FAM117B: variants seen among roughly 807,000 people sequenced by gnomAD.
FAM117B encodes protein FAM117B.
Under a neutral mutation model 52.8 loss-of-function variants are expected in FAM117B, and 22 were observed. That is an observed-to-expected ratio of 0.42 (90% CI 0.30 to 0.59). The LOEUF is 0.59. Ranked by LOEUF, FAM117B falls within the 20% of genes least tolerant of loss-of-function variation. The probability of loss-of-function intolerance (pLI) is 0.22; values close to 1 mark genes in which losing one functional copy is unlikely to be tolerated. For synonymous variants in FAM117B, 309 were observed against 324.1 expected, an observed-to-expected ratio of 0.95 and a Z score of 0.50; for missense variants, 678 against 802.6, an observed-to-expected ratio of 0.84 and a Z score of 1.88.
At chr2:202,739,715 C>T (rs1442900955) in intron 4 of FAM117B, among the ~76,000 whole-genome samples, 2 of 152,152 alleles carry the variant, frequency 1.3e-5, no homozygotes. Context: ...CGGACTCAGC[C>T]TCCCAAAGTC....
At chr2:202,702,720 A>ATTTTTTT (rs1171888900) in intron 2 of FAM117B, among the ~76,000 whole-genome samples, 1 of 151,868 alleles carries the variant, frequency 6.6e-6, no homozygotes, top group African/African-American at 2.4e-5. Context: ...CACCCAGCTA[A>ATTTTTTT]TTTTTTGTAT....
intron 2 of FAM117B, among the ~76,000 whole-genome samples, chr2:202,703,681 T>C (rs558169488): frequency 6.6e-6 from 1 of 152,200 alleles, no homozygotes; most frequent in African/African-American, 2.4e-5. Flanking sequence ...GTGAATAATA[T>C]TCCATTTATC....
intron 1 of FAM117B, among the ~76,000 whole-genome samples, chr2:202,640,295 AATATAT>A (rs539187347): frequency 0.014 from 723 of 51,240 alleles, 11 homozygotes; most frequent in Non-Finnish European, 0.017. Flanking sequence ...ACCACCACAA[AATATAT>A]ATATATATAT....
At chr2:202,741,884 A>G (rs905219070) in intron 4 of FAM117B, among the ~76,000 whole-genome samples, 20 of 152,332 alleles carry the variant, frequency 1.3e-4, no homozygotes, top group Admixed American at 6.5e-4. Context: ...GCTAAAATCA[A>G]TACCATTTAT....
intron 2 of FAM117B, among the ~76,000 whole-genome samples, chr2:202,703,008 C>A (rs969142984): frequency 6.6e-6 from 1 of 152,116 alleles, no homozygotes; most frequent in Non-Finnish European, 1.5e-5. Context: ...TTGTGTTACT[C>A]CCTTTATTGC....
At chr2:202,664,348 T>C (rs534670959) in intron 1 of FAM117B, among the ~76,000 whole-genome samples, 2 of 150,702 alleles carry the variant, frequency 1.3e-5, no homozygotes, top group East Asian at 4.1e-4. Context: ...CTTGGCAACA[T>C]AGTAGAATAG....
chr2:202,765,379 C>CTTTTTTTTTTTT, intron 7 of FAM117B, 67 bp from the exon 8 acceptor site: 4 of 1,130,564 alleles, frequency 3.5e-6, no homozygotes, highest in African/African-American at 1.6e-5. Flanking sequence ...TGTTTCCAAG[C>CTTTTTTTTTTTT]TTTTTTTTTT....
intron 1 of FAM117B, among the ~76,000 whole-genome samples, chr2:202,653,330 C>T (rs1443918162): frequency 1.3e-5 from 2 of 152,140 alleles, no homozygotes; most frequent in Admixed American, 6.5e-5. Context: ...GCCCCATCCT[C>T]TATTCATCTT....
intron 2 of FAM117B, among the ~76,000 whole-genome samples, chr2:202,717,273 C>A (rs1232331972): frequency 3.3e-5 from 5 of 152,144 alleles, no homozygotes; most frequent in Non-Finnish European, 5.9e-5. Flanking sequence ...GAGTTTGCGA[C>A]CAGCCTGGGT....
chr2:202,752,343 T>C (rs1370459324), intron 4 of FAM117B, among the ~76,000 whole-genome samples: 2 of 152,064 alleles, frequency 1.3e-5, no homozygotes, highest in Admixed American at 1.3e-4. Context: ...TGCGTGGAGC[T>C]TCCCCTTGGC....
At chr2:202,660,708 T>TA (rs2105761060) in intron 1 of FAM117B, among the ~76,000 whole-genome samples, 2 of 152,314 alleles carry the variant, frequency 1.3e-5, no homozygotes, top group East Asian at 3.9e-4. Context: ...CACACTATCA[T>TA]GAACTTCCTA....
intron 1 of FAM117B, among the ~76,000 whole-genome samples, chr2:202,675,387 C>G (rs373685354): frequency 7.6e-6 from 1 of 131,602 alleles, no homozygotes; most frequent in Non-Finnish European, 1.5e-5. Context: ...CAGAGATTGC[C>G]GTGAACCAAG....
At chr2:202,676,498 G>T (rs571943401) in intron 1 of FAM117B, among the ~76,000 whole-genome samples, 1 of 151,716 alleles carries the variant, frequency 6.6e-6, no homozygotes, top group South Asian at 2.1e-4. Context: ...TCCTGCCTCA[G>T]CTTCCTGAGT....
intron 4 of FAM117B, among the ~76,000 whole-genome samples, chr2:202,740,202 A>AAAT (rs1691509659): frequency 6.9e-6 from 1 of 145,188 alleles, no homozygotes; most frequent in African/African-American, 2.6e-5. Flanking sequence ...AAAAAAAAAA[A>AAAT]TCCCCAAATT....
intron 1 of FAM117B, among the ~76,000 whole-genome samples, chr2:202,654,438 A>T (rs1690023124): frequency 6.6e-6 from 1 of 152,132 alleles, no homozygotes; most frequent in South Asian, 2.1e-4. Context: ...TGAAGGTTGT[A>T]CTGATAGCCC....
At chr2:202,716,441 T>C (rs1278908231) in intron 2 of FAM117B, among the ~76,000 whole-genome samples, 1 of 152,204 alleles carries the variant, frequency 6.6e-6, no homozygotes, top group Non-Finnish European at 1.5e-5. Context: ...TCTGGTTGTT[T>C]TGTGGTCTTC....
At chr2:202,758,277 GTTACT>G (rs1381497591) in intron 6 of FAM117B, among the ~76,000 whole-genome samples, 1 of 152,172 alleles carries the variant, frequency 6.6e-6, no homozygotes, top group Admixed American at 6.5e-5. Flanking sequence ...CACTGAAGAA[GTTACT>G]TTAAACTGTG....
At chr2:202,752,560 A>ACCTTTGTCTT (rs1691742321) in intron 4 of FAM117B, among the ~76,000 whole-genome samples, 1 of 151,944 alleles carries the variant, frequency 6.6e-6, no homozygotes, top group Admixed American at 6.6e-5. Flanking sequence ...AATCAGTGTT[A>ACCTTTGTCTT]CCTTTGTCTT....
intron 1 of FAM117B, among the ~76,000 whole-genome samples, chr2:202,664,885 C>T (rs890437685): frequency 5.3e-5 from 8 of 152,090 alleles, no homozygotes; most frequent in Non-Finnish European, 7.4e-5. Flanking sequence ...AAAACAATAT[C>T]CGTTTATTAT....
Sources: gnomAD v4.1 joint callset for allele counts (sites outside exome capture counted in the v4.1 genomes callset) on GRCh38, gnomAD v4.1.1 for gene constraint, MANE v1.5 for transcripts, NCBI Gene and HGNC (gene_info 2026-07-23, HGNC 2026-07-21) for gene names.